Variants in HOOK2 observed in about 807,000 individuals in gnomAD.
The protein encoded by HOOK2 is protein Hook homolog 2.
A neutral mutation model predicts 111.9 loss-of-function variants in HOOK2; 108 were observed. The observed-to-expected ratio is 0.96, with a 90% confidence interval of 0.83 to 1.13. HOOK2 has a LOEUF of 1.13. Ranked by LOEUF, HOOK2 falls within the 50% of genes most tolerant of loss-of-function variation. HOOK2 has a pLI of 0.00. For missense variants in HOOK2, 978 were observed against 951.3 expected (o/e 1.03, Z -0.37); for synonymous variants, 405 against 394.3 (o/e 1.03, Z -0.32).
At chr19:12,783,714 T>C (rs1322472677) in intron 3 of HOOK2, among the ~76,000 whole-genome samples, 2 of 152,092 alleles carry the variant, frequency 1.3e-5, no homozygotes, top group East Asian at 3.9e-4. Flanking sequence ...TGTTGGGTTG[T>C]TGTGGGGATT....
intron 13 of HOOK2, 86 bp from the exon 14 acceptor site, chr19:12,767,550 G>T (rs1399915386): frequency 5.1e-6 from 6 of 1,188,064 alleles, no homozygotes; most frequent in East Asian, 2.4e-5. Flanking sequence ...CATCTTTTGG[G>T]GCTTCAAGTT....
Position 12,763,517 on chromosome 19 carries a change from C to T in HOOK2, c.2010+11G>A. On this transcript the variant is annotated intron_variant, in intron 22 of 22. Coordinates refer to ENST00000397668, the MANE Select transcript of HOOK2 (RefSeq NM_013312.3). ...ACCCATGAGATCTTAGAGCCCAGAC[C>T]CCACACTTACCATATTATACCAGGC... The T allele has an allele frequency of 6.2e-7, 1 of 1,614,190 alleles. No homozygotes were observed. The highest frequency in any genetic ancestry group is 8.5e-7 in the Non-Finnish European group (1 of 1,180,036).
At chr19:12,781,282 G>A (rs920737005), upstream of HOOK2, among the ~76,000 whole-genome samples, 8 of 150,140 alleles carry the variant, frequency 5.3e-5, no homozygotes, top group Admixed American at 2.7e-4. Context: ...CAGCCTGGGC[G>A]ACAGAGCAAG....
chr19:12,780,971 C>T (rs1242037183), upstream of HOOK2, among the ~76,000 whole-genome samples: 2 of 141,648 alleles, frequency 1.4e-5, no homozygotes, highest in African/African-American at 5.2e-5. Context: ...GAGCGAGACT[C>T]CGTCTCAAAA....
intron 20 of HOOK2, 193 bp downstream of exon 20, chr19:12,764,621 C>T (rs1968095403): frequency 1.6e-6 from 1 of 613,524 alleles, no homozygotes; most frequent in South Asian, 2.0e-5. Context: ...AGCCACGGCA[C>T]CCAGCCAGCT....
chr19:12,772,526 G>C (rs1024365062), intron 6 of HOOK2, 87 bp downstream of exon 6: 17 of 1,442,636 alleles, frequency 1.2e-5, no homozygotes, highest in Admixed American at 1.7e-5. Flanking sequence ...GACCTTACCA[G>C]GGCAGGACCT....
In HOOK2 at chr19:12,765,843, G is replaced by A; in HGVS notation, c.1600-9C>T. The A allele has an allele frequency of 6.2e-7, 1 of 1,610,930 alleles. No homozygotes were observed. Among genetic ancestry groups the A allele is most frequent in the Non-Finnish European group, 8.5e-7 (1 of 1,177,374 alleles). Reference sequence around the variant, plus strand: ...ATGGTACTTACAATGGCCTGTATGGGGCATCGGGCAGCATGGGAGAGAGAG... The same window carrying A: ...ATGGTACTTACAATGGCCTGTATGGAGCATCGGGCAGCATGGGAGAGAGAG... On this transcript the variant is annotated splice_polypyrimidine_tract_variant and intron_variant, in intron 16 of 22. Coordinates refer to ENST00000397668, the MANE Select transcript of HOOK2 (RefSeq NM_013312.3).
At position 12,775,390 on chromosome 19, in the gene HOOK2, C is replaced by A. The variant is rs374429539; in HGVS notation, c.45+15G>T. The A allele has an allele frequency of 4.7e-5, 75 of 1,611,018 alleles. No homozygotes were observed. Among genetic ancestry groups the A allele is most frequent in the Non-Finnish European group, 5.6e-5 (66 of 1,179,030 alleles). On this transcript the variant is annotated intron_variant, in intron 1 of 22. Transcript: ENST00000397668. ...GCGGGCGCTCACCTTCCCCTAGCCC[C>A]GCCCCACGACCTACCCAGGTGAGCA...
Position 12,772,999 on chromosome 19 carries a change from G to A in HOOK2, c.250C>T (p.Gln84Ter). ...ATCCCTTTACAGTTACTCACATCCTGGGAGTACTCTACTAGGCTCCGTAAG... is the reference window on the plus strand; with the variant it reads ...ATCCCTTTACAGTTACTCACATCCTAGGAGTACTCTACTAGGCTCCGTAAG... ...MVLRSLVEYSQDVLAHPVSEE... is the reference protein window; with the variant it reads ...MVLRSLVEYS The change falls in exon 4 of 23, where the codon CAG becomes TAG. Residue 84 changes from glutamine (Q) to a stop codon, truncating the protein, a stop_gained. Coordinates refer to ENST00000397668, the MANE Select transcript of HOOK2 (RefSeq NM_013312.3). LOFTEE classifies it high-confidence loss of function. The A allele has an allele frequency of 1.9e-6, 3 of 1,614,098 alleles. No individual in the cohort carries two copies. Among genetic ancestry groups the A allele is most frequent in the Non-Finnish European group, 2.5e-6 (3 of 1,180,018 alleles).
At position 12,772,657 on chromosome 19, in the gene HOOK2, G is replaced by C. The variant is rs1568370719; in HGVS notation, c.412C>G (p.Leu138Val). ...ACCACATGCTGAACCGATTCTTCCA[G>C]CGTCATGATTCTCTGGATGTGGTCT... ...KQDHIQRIMTLEESVQHVVME... is the reference protein window; with the variant it reads ...KQDHIQRIMTVEESVQHVVME... The change falls in exon 6 of 23, where the codon CTG becomes GTG. Residue 138 changes from leucine to valine, a missense_variant. Leu to Val is a conservative substitution (Grantham distance 32, BLOSUM62 1). Around this residue, in one of 5 missense-constraint regions of HOOK2, gnomAD observed 301 missense variants for 286.1 expected, o/e 1.05. Transcript: ENST00000397668. 6.2e-7 allele frequency: 1 copy of C among 1,614,224 alleles called. No individual in the cohort carries two copies. The highest frequency in any genetic ancestry group is 8.5e-7 in the Non-Finnish European group (1 of 1,180,032).
chr19:12,772,659 G>GGTTCCACA lies in HOOK2; in HGVS notation c.409_410insTGTGGAAC (p.Thr137MetfsTer13). The GGTTCCACA allele has an allele frequency of 6.2e-7, 1 of 1,614,206 alleles. No individual in the cohort carries two copies. Among genetic ancestry groups the GGTTCCACA allele is most frequent in the Non-Finnish European group, 8.5e-7 (1 of 1,180,010 alleles). ...CACATGCTGAACCGATTCTTCCAGC[G>GGTTCCACA]TCATGATTCTCTGGATGTGGTCTGG... On this transcript the variant is annotated frameshift_variant, in exon 6 of 23. Transcript: ENST00000397668. LOFTEE classifies it high-confidence loss of function.
chr19:12,768,056 C>T lies in HOOK2; in HGVS notation c.1172G>A (p.Arg391His), dbSNP rs1171771402. 33 of 1,614,096 alleles carry T rather than the reference C, an allele frequency of 2.0e-5. No homozygotes were observed. Among genetic ancestry groups the T allele is most frequent in the Middle Eastern group, 3.3e-4 (2 of 6,084 alleles). ...CGACTCATACTTTTCCTCCAGGTTG[C>T]GGCATTCAAATAGCCATTTCTCGGC... ...MKAEKWLFEC[R>H]NLEEKYESVT... is the part of the protein sequence containing the mutation. The change falls in exon 12 of 23, where the codon CGC (arginine) becomes CAC (histidine). Residue 391 changes from arginine to histidine, a missense_variant. Coordinates refer to ENST00000397668, the MANE Select transcript of HOOK2 (RefSeq NM_013312.3).
intron 14 of HOOK2, 151 bp downstream of exon 14, chr19:12,767,244 A>C: frequency 1.5e-6 from 1 of 649,322 alleles, no homozygotes; most frequent in East Asian, 2.7e-5. Context: ...ACAGAGCCAA[A>C]TCAGGAGTAA....
chr19:12,773,753 TTGCTC>T (rs1362652832), intron 3 of HOOK2, among the ~76,000 whole-genome samples: 1 of 152,192 alleles, frequency 6.6e-6, no homozygotes, highest in East Asian at 1.9e-4. Flanking sequence ...GGTTGCATCT[TTGCTC>T]TGCTAAAACC....
At chr19:12,785,050 G>T (rs1458579433) in intron 3 of HOOK2, 1 of 152,446 alleles carries the variant, frequency 6.6e-6, no homozygotes, top group Non-Finnish European at 1.5e-5. Context: ...ACATGGTCTG[G>T]CCAGACAGTC....
intron 3 of HOOK2, chr19:12,792,091 G>A (rs1393717100): frequency 6.2e-7 from 1 of 1,602,814 alleles, no homozygotes; most frequent in Non-Finnish European, 8.5e-7. Context: ...ACACCCCCGG[G>A]ACAGTACTTT....
Position 12,765,714 on chromosome 19 carries a change from A to G in HOOK2, c.1616T>C (p.Leu539Pro). Residue 539 changes from leucine (L) to proline (P), a missense_variant, in exon 18 of 23, where the codon CTG (leucine) becomes CCG (proline). Leu to Pro is a moderately conservative substitution (Grantham distance 98). Around this residue, in one of 5 missense-constraint regions of HOOK2, gnomAD observed 277 missense variants for 265.8 expected, o/e 1.04. Coordinates refer to ENST00000397668, the MANE Select transcript of HOOK2 (RefSeq NM_013312.3). ...GKTEDAISIL[L>P]KRKLEEHLQK... ...CAAATGTTCCTCCAGCTTCCTTTTCAGCAAAATGGACTGGGAGAGAGAAGA... is the reference window on the plus strand; with the variant it reads ...CAAATGTTCCTCCAGCTTCCTTTTCGGCAAAATGGACTGGGAGAGAGAAGA... 1 of 1,614,152 alleles carries G rather than the reference A, an allele frequency of 6.2e-7. No individual in the cohort carries two copies. Among genetic ancestry groups the G allele is most frequent in the South Asian group, 1.1e-5 (1 of 91,086 alleles).
upstream of HOOK2, among the ~76,000 whole-genome samples, chr19:12,779,942 G>T (rs1968582286): frequency 6.6e-6 from 1 of 152,142 alleles, no homozygotes; most frequent in Non-Finnish European, 1.5e-5. Flanking sequence ...TTGAGGTCAG[G>T]GGTTCAAGAC....
intron 3 of HOOK2, among the ~76,000 whole-genome samples, chr19:12,785,288 CCT>C (rs561330862): frequency 8.4e-4 from 127 of 151,278 alleles, no homozygotes; most frequent in Non-Finnish European, 1.4e-3. Context: ...CAGCCACAGA[CCT>C]CTTTTTCACA....
Sources: gnomAD v4.1 joint callset for allele counts (sites outside exome capture counted in the v4.1 genomes callset) on GRCh38, gnomAD v4.1.1 for gene constraint, gnomAD v4.1.1 regional missense constraint, MANE v1.5 for transcripts, NCBI Gene and HGNC (gene_info 2026-07-23, HGNC 2026-07-21) for gene names.